Variants in AGXT2 observed in about 807,000 individuals in gnomAD.
The protein encoded by AGXT2 is alanine--glyoxylate aminotransferase 2, mitochondrial.
AGXT2 carries 61 observed loss-of-function variants against 62.5 expected under a neutral mutation model. The observed-to-expected ratio is 0.98, with a 90% confidence interval of 0.79 to 1.21. AGXT2 has a LOEUF of 1.21. Ranked by LOEUF, AGXT2 falls within the 50% of genes most tolerant of loss-of-function variation. AGXT2 has a pLI of 0.00. For missense variants in AGXT2, 666 were observed against 641.5 expected (o/e 1.04, Z -0.41); for synonymous variants, 243 against 218.7 (o/e 1.11, Z -0.98).
At chr5:35,030,826 A>C (rs576759745) in intron 7 of AGXT2, among the ~76,000 whole-genome samples, 1 of 152,184 alleles carries the variant, frequency 6.6e-6, no homozygotes, top group East Asian at 1.9e-4. Flanking sequence ...AGGTGCATCA[A>C]ACTGATTTTA....
intron 9 of AGXT2, among the ~76,000 whole-genome samples, chr5:35,019,309 A>G (rs1056075148): frequency 6.7e-6 from 1 of 149,686 alleles, no homozygotes; most frequent in Non-Finnish European, 1.5e-5. Context: ...TCAAAAATTG[A>G]CCACATACTT....
At chr5:35,012,539 C>A (rs1766684379) in intron 11 of AGXT2, 1 of 245,560 alleles carries the variant, frequency 4.1e-6, no homozygotes, top group African/African-American at 2.3e-5. Context: ...TTGCTGTAAG[C>A]ACGTAGAACT....
At chr5:35,032,586 C>T (rs1330118506) in intron 7 of AGXT2, 146 bp downstream of exon 7, 2 of 735,704 alleles carry the variant, frequency 2.7e-6, no homozygotes, top group Non-Finnish European at 4.8e-6. Flanking sequence ...TGAGGAATAA[C>T]TTGGTTACTT....
chr5:35,041,223 C>CAAAAAAAA (rs3034208), intron 1 of AGXT2, among the ~76,000 whole-genome samples: 2,379 of 51,214 alleles, frequency 0.046, 224 homozygotes, highest in African/African-American at 0.079. Context: ...CTCCCCCCGC[C>CAAAAAAAA]AAAAAAAAAA....
At chr5:35,024,012 C>T (rs907410075) in intron 9 of AGXT2, among the ~76,000 whole-genome samples, 9 of 152,010 alleles carry the variant, frequency 5.9e-5, no homozygotes, top group Non-Finnish European at 1.0e-4. Flanking sequence ...CCTGCGTCAG[C>T]GTCCTGAGCA....
intron 6 of AGXT2, 113 bp downstream of exon 6, chr5:35,033,347 G>A: frequency 1.2e-6 from 1 of 864,544 alleles, no homozygotes; most frequent in Admixed American, 1.9e-5. Context: ...TTGAGCCCCT[G>A]ATTAATGACA....
intron 13 of AGXT2, among the ~76,000 whole-genome samples, chr5:34,999,467 A>G (rs1442896275): frequency 6.6e-6 from 1 of 151,942 alleles, no homozygotes; most frequent in Non-Finnish European, 1.5e-5. Flanking sequence ...TGCTGCACCC[A>G]CACCACAGCC....
rs1049297283 is a variant in AGXT2, at chr5:35,026,447, G to A, written c.833C>T (p.Ala278Val). The stretch of plus-strand genomic sequence containing the variant: ...TGCGAAAAATCCAGCAATTGACTTG[G>A]CCACAGATGTGCTCAGCGTATCTTT... ...QFKDTLSTSV[A>V]KSIAGFFAEP... Residue 278 changes from alanine to valine, a missense_variant, in exon 8 of 14, where the codon GCC (alanine) becomes GTC (valine). Transcript: ENST00000231420. 3.1e-6 allele frequency: 5 copies of A among 1,613,958 alleles called. No homozygotes were observed. The highest frequency in any genetic ancestry group is 1.7e-5 in the Admixed American group (1 of 60,000).
chr5:35,037,121 A>G, intron 3 of AGXT2, 56 bp from the exon 4 acceptor site: 1 of 1,611,598 alleles, frequency 6.2e-7, no homozygotes, highest in Non-Finnish European at 8.5e-7. Flanking sequence ...CCTCCTGCAC[A>G]CACCCTGGTC....
intron 5 of AGXT2, among the ~76,000 whole-genome samples, chr5:35,033,853 C>A (rs1039405082): frequency 5.9e-5 from 9 of 152,132 alleles, no homozygotes; most frequent in Non-Finnish European, 1.2e-4. Context: ...CTTTTAGCAA[C>A]AACATACCAG....
intron 6 of AGXT2, 158 bp from the exon 7 acceptor site, chr5:35,032,983 T>G: frequency 1.5e-6 from 1 of 687,440 alleles, no homozygotes; most frequent in Non-Finnish European, 2.6e-6. Flanking sequence ...TTTGAAGAGA[T>G]AATTTTTTCT....
chr5:35,038,696 T>C (rs578046833), intron 3 of AGXT2, among the ~76,000 whole-genome samples: 2 of 152,298 alleles, frequency 1.3e-5, no homozygotes, highest in East Asian at 3.9e-4. Flanking sequence ...TGAGGTTGCA[T>C]TGGTCAGATT....
intron 9 of AGXT2, among the ~76,000 whole-genome samples, chr5:35,022,098 A>T (rs1458134799): frequency 6.6e-6 from 1 of 152,068 alleles, no homozygotes; most frequent in African/African-American, 2.4e-5. Flanking sequence ...GGATGTGGAG[A>T]AATAGGAACA....
At chr5:35,037,453 A>G (rs776043952) in intron 3 of AGXT2, among the ~76,000 whole-genome samples, 8 of 152,078 alleles carry the variant, frequency 5.3e-5, no homozygotes, top group Non-Finnish European at 1.2e-4. Context: ...TTATTTTTCT[A>G]AAGAAGAAGA....
chr5:35,040,523 A>G (rs1478844880), intron 2 of AGXT2, 52 bp downstream of exon 2: 2 of 1,513,810 alleles, frequency 1.3e-6, no homozygotes, highest in Admixed American at 1.7e-5. Flanking sequence ...ATCATTTGAG[A>G]CCTCCCCAGA....
At chr5:35,040,810 A>C in intron 1 of AGXT2, 147 bp from the exon 2 acceptor site, 1 of 713,858 alleles carries the variant, frequency 1.4e-6, no homozygotes, top group African/African-American at 1.8e-5. Context: ...TTTGGATTTA[A>C]AATCTGAGTA....
chr5:35,030,166 C>A (rs1414991414), intron 7 of AGXT2, among the ~76,000 whole-genome samples: 1 of 152,220 alleles, frequency 6.6e-6, no homozygotes, highest in African/African-American at 2.4e-5. Context: ...GTATTCCAAT[C>A]CTGTTCAAAG....
intron 10 of AGXT2, among the ~76,000 whole-genome samples, chr5:35,013,684 A>T (rs1466001931): frequency 1.3e-5 from 2 of 151,296 alleles, no homozygotes; most frequent in African/African-American, 2.4e-5. Flanking sequence ...CAGGAGGCTG[A>T]GGCAGGAGAA....
intron 4 of AGXT2, among the ~76,000 whole-genome samples, chr5:35,036,184 T>C (rs1354307522): frequency 6.6e-6 from 1 of 152,134 alleles, no homozygotes; most frequent in African/African-American, 2.4e-5. Flanking sequence ...CTGGAAGGCA[T>C]GTGTTCATGA....
Sources: allele counts gnomAD v4.1 joint callset (sites outside exome capture counted in the v4.1 genomes callset), GRCh38; gene constraint gnomAD v4.1.1; transcripts MANE v1.5; gene names NCBI Gene and HGNC (gene_info 2026-07-23, HGNC 2026-07-21).